LDB2: variants seen among roughly 807,000 people sequenced by gnomAD.
LDB2 encodes LIM domain-binding protein 2.
In LDB2, 12 loss-of-function variants were observed where a neutral mutation model predicts 44.3. The ratio of observed to expected loss-of-function variants is 0.27; its 90% CI spans 0.17 to 0.44. The LOEUF (loss-of-function observed/expected upper bound fraction) is 0.44. Ranked by LOEUF, LDB2 falls within the 20% of genes least tolerant of loss-of-function variation. The probability of loss-of-function intolerance (pLI) is 1.00; values close to 1 mark genes in which losing one functional copy is unlikely to be tolerated. For missense variants in LDB2, 344 were observed against 473.5 expected (o/e 0.73, Z 2.54); for synonymous variants, 164 against 174.8 (o/e 0.94, Z 0.49).
intron 2 of LDB2, among the ~76,000 whole-genome samples, chr4:16,632,071 C>T (rs1296785018): frequency 6.6e-6 from 1 of 152,194 alleles, no homozygotes; most frequent in Non-Finnish European, 1.5e-5. Context: ...AGGGAATCCT[C>T]CCTAACTCAT....
chr4:16,787,503 A>T (rs1774714561), intron 1 of LDB2, among the ~76,000 whole-genome samples: 1 of 151,896 alleles, frequency 6.6e-6, no homozygotes, highest in South Asian at 2.1e-4. Context: ...AATCCCAGCT[A>T]CTCGGGAGGC....
At chr4:16,583,625 A>C (rs11726109) in intron 5 of LDB2, among the ~76,000 whole-genome samples, 16,455 of 152,172 alleles carry the variant, frequency 0.11, 986 homozygotes, top group African/African-American at 0.14. Flanking sequence ...GGAAGAAATG[A>C]CCTTTGTCTG....
intron 2 of LDB2, among the ~76,000 whole-genome samples, chr4:16,655,641 C>G (rs945852204): frequency 1.3e-5 from 2 of 152,134 alleles, no homozygotes; most frequent in Non-Finnish European, 2.9e-5. Context: ...AGTCATCAAA[C>G]AGCCCCATAT....
intron 1 of LDB2, among the ~76,000 whole-genome samples, chr4:16,835,104 T>A (rs943877915): frequency 2.0e-5 from 3 of 152,210 alleles, no homozygotes; most frequent in African/African-American, 7.2e-5. Flanking sequence ...TACAGACATA[T>A]CTTACATTCA....
chr4:16,853,767 A>G (rs947078075), intron 1 of LDB2, among the ~76,000 whole-genome samples: 5 of 152,208 alleles, frequency 3.3e-5, no homozygotes, highest in African/African-American at 9.6e-5. Flanking sequence ...ACTGTGGTAC[A>G]TATATGCAAT....
intron 1 of LDB2, among the ~76,000 whole-genome samples, chr4:16,783,544 A>G (rs901149760): frequency 2.0e-5 from 3 of 152,254 alleles, no homozygotes; most frequent in African/African-American, 7.2e-5. Flanking sequence ...TAGCAAAAAG[A>G]CAAGGCAGAG....
intron 5 of LDB2, among the ~76,000 whole-genome samples, chr4:16,514,123 A>G (rs1577290037): frequency 6.6e-6 from 1 of 152,196 alleles, no homozygotes; most frequent in Admixed American, 6.5e-5. Flanking sequence ...TCTTTGTCCA[A>G]TCACAGTCCA....
chr4:16,865,806 T>G (rs1045307060), intron 1 of LDB2, among the ~76,000 whole-genome samples: 2 of 152,144 alleles, frequency 1.3e-5, no homozygotes, highest in Non-Finnish European at 2.9e-5. Flanking sequence ...TCATTCACCT[T>G]TCCAGCCACA....
At chr4:16,718,323 G>A (rs1334111280) in intron 2 of LDB2, among the ~76,000 whole-genome samples, 1 of 149,936 alleles carries the variant, frequency 6.7e-6, no homozygotes, top group Non-Finnish European at 1.5e-5. Flanking sequence ...TCACAGATAT[G>A]TATGTATGTG....
chr4:16,824,688 C>T (rs1459685574), intron 1 of LDB2, among the ~76,000 whole-genome samples: 2 of 152,268 alleles, frequency 1.3e-5, no homozygotes. Flanking sequence ...TCTACACACT[C>T]TCCTCACTGG....
Position 16,766,504 on chromosome 4 carries a change from GTATA to G in LDB2, c.133-7248_133-7245del, listed in dbSNP as rs869072776. On this transcript the variant is annotated intron_variant, in intron 1 of 7. Coordinates refer to ENST00000304523, the MANE Select transcript of LDB2 (RefSeq NM_001290.5). ...TGTGTGTGTGTGTGTGTGTGTGTGT[GTATA>G]TATTTTTTTTTTTTTGAGACAGAAT... is the stretch of plus-strand genomic sequence containing the variant. Among the ~76,000 whole-genome samples, 92 of 71,982 alleles carry G rather than the reference GTATA, an allele frequency of 1.3e-3. 1 individual carries two copies. Among genetic ancestry groups the G allele is most frequent in the African/African-American group, 4.8e-3 (89 of 18,442 alleles). 47.2% of individuals were successfully genotyped at this position (71,982 alleles called of 152,430 possible). A position where few individuals can be genotyped will look rare whatever the true frequency, so the allele number is the denominator to read the frequency against.
intron 2 of LDB2, among the ~76,000 whole-genome samples, chr4:16,649,730 A>G (rs988580723): frequency 6.6e-6 from 1 of 152,214 alleles, no homozygotes; most frequent in African/African-American, 2.4e-5. Context: ...CCTGGCAAAT[A>G]GAAAACACTG....
intron 2 of LDB2, among the ~76,000 whole-genome samples, chr4:16,669,203 T>C (rs1194355382): frequency 6.6e-6 from 1 of 152,212 alleles, no homozygotes; most frequent in Non-Finnish European, 1.5e-5. Context: ...AGAATGATTA[T>C]GTAATTTGAC....
At chr4:16,736,782 A>G (rs1162347130) in intron 2 of LDB2, among the ~76,000 whole-genome samples, 1 of 152,220 alleles carries the variant, frequency 6.6e-6, no homozygotes, top group Non-Finnish European at 1.5e-5. Flanking sequence ...GTAACATAAA[A>G]TGTGACAGAA....
intron 1 of LDB2, among the ~76,000 whole-genome samples, chr4:16,881,810 G>T (rs543079282): frequency 3.3e-5 from 5 of 152,030 alleles, no homozygotes; most frequent in African/African-American, 1.2e-4. Flanking sequence ...CCTCACCCAA[G>T]GTTTAGATTA....
chr4:16,567,605 C>T (rs970583766), intron 5 of LDB2, among the ~76,000 whole-genome samples: 1 of 152,008 alleles, frequency 6.6e-6, no homozygotes, highest in African/African-American at 2.4e-5. Context: ...CCTGTCTCTA[C>T]TAGAAATACA....
chr4:16,737,184 T>C (rs1339732876), intron 2 of LDB2, among the ~76,000 whole-genome samples: 1 of 152,174 alleles, frequency 6.6e-6, no homozygotes, highest in Non-Finnish European at 1.5e-5. Flanking sequence ...TAAAAATCTT[T>C]AAATGTAAAA....
At chr4:16,668,341 A>C (rs768632039) in intron 2 of LDB2, among the ~76,000 whole-genome samples, 72 of 152,286 alleles carry the variant, frequency 4.7e-4, no homozygotes, top group Non-Finnish European at 9.1e-4. Context: ...CAGCCTAAAG[A>C]AACTCCTGAT....
At chr4:16,732,824 A>G (rs867093296) in intron 2 of LDB2, among the ~76,000 whole-genome samples, 1 of 152,230 alleles carries the variant, frequency 6.6e-6, no homozygotes, top group Non-Finnish European at 1.5e-5. Context: ...TTGGCAACAA[A>G]GTGAAGCCAA....
Sources: allele counts gnomAD v4.1 joint callset (sites outside exome capture counted in the v4.1 genomes callset), GRCh38; gene constraint gnomAD v4.1.1; transcripts MANE v1.5; gene names NCBI Gene and HGNC (gene_info 2026-07-23, HGNC 2026-07-21).